The following ATP8B4 variants were observed in gnomAD, a reference collection of about 807,000 sequenced individuals.
ATP8B4 encodes the protein probable phospholipid-transporting ATPase IM.
Under a neutral mutation model 145.6 loss-of-function variants are expected in ATP8B4, and 133 were observed. The observed-to-expected ratio is 0.91, with a 90% CI of 0.79 to 1.05. ATP8B4 has a LOEUF of 1.05. ATP8B4 is among the 50% of genes least tolerant of loss of function. The probability of loss-of-function intolerance (pLI) is 0.00; values close to 1 mark genes in which losing one functional copy is unlikely to be tolerated. For missense variants in ATP8B4, 1,458 were observed against 1,425.2 expected (o/e 1.02, Z -0.37); for synonymous variants, 507 against 492.9 (o/e 1.03, Z -0.38).
At chr15:49,949,141 G>C (rs541995053) in intron 14 of ATP8B4, among the ~76,000 whole-genome samples, 25 of 152,172 alleles carry the variant, frequency 1.6e-4, no homozygotes, top group African/African-American at 5.5e-4. Context: ...GGATTGTCTT[G>C]GCTATACAGG....
At chr15:50,016,460 G>A (rs1371182515) in intron 6 of ATP8B4, among the ~76,000 whole-genome samples, 1 of 152,214 alleles carries the variant, frequency 6.6e-6, no homozygotes, top group Non-Finnish European at 1.5e-5. Context: ...GGAGCTTTAT[G>A]TATAAGAGGT....
chr15:49,892,774 A>G (rs577369312), intron 23 of ATP8B4, among the ~76,000 whole-genome samples: 2 of 152,340 alleles, frequency 1.3e-5, no homozygotes, highest in South Asian at 2.1e-4. Flanking sequence ...AAATACCATT[A>G]TCAATGCCAA....
intron 11 of ATP8B4, among the ~76,000 whole-genome samples, chr15:49,980,586 T>A (rs955502163): frequency 2.0e-5 from 3 of 151,894 alleles, no homozygotes; most frequent in Non-Finnish European, 2.9e-5. Flanking sequence ...AAAAAAAAAA[T>A]TCATAAGAGA....
intron 6 of ATP8B4, among the ~76,000 whole-genome samples, chr15:50,029,964 A>C (rs1487202183): frequency 2.6e-5 from 4 of 152,318 alleles, no homozygotes; most frequent in African/African-American, 9.6e-5. Context: ...CTGTAGTAAA[A>C]ATTTGCTGGG....
At position 49,979,468 on chromosome 15, in the gene ATP8B4, G is replaced by C. The variant is rs533205703; in HGVS notation, c.1034+149C>G. On this transcript the variant is annotated intron_variant, in intron 12 of 27. Transcript: ENST00000284509. Reference sequence around the variant, plus strand: ...AACATAAAAGTTAACAGATTAAACAGCTAAGCTGTCCCATTTGTAACAGAT... The same window carrying C: ...AACATAAAAGTTAACAGATTAAACACCTAAGCTGTCCCATTTGTAACAGAT... The C allele has an allele frequency of 1.8e-4, 101 of 549,338 alleles. 2 individuals carry two copies. The East Asian group carries it at 2.9e-3, about 16-fold the overall frequency. 34.0% of individuals were successfully genotyped at this position (549,338 alleles called of 1,614,324 possible).
intron 22 of ATP8B4, 138 bp downstream of exon 22, chr15:49,897,930 T>C: frequency 1.1e-6 from 1 of 951,484 alleles, no homozygotes; most frequent in Non-Finnish European, 1.5e-6. Context: ...GTGGTAGCAT[T>C]GGACCCAGAA....
At chr15:50,004,776 G>A (rs1373245414) in intron 7 of ATP8B4, among the ~76,000 whole-genome samples, 1 of 113,270 alleles carries the variant, frequency 8.8e-6, no homozygotes, top group Non-Finnish European at 1.8e-5. Flanking sequence ...TTTGAATCTG[G>A]GCATACAGTA....
At position 50,101,463 on chromosome 15, in the gene ATP8B4, C is replaced by T. The variant is rs147838619; in HGVS notation, c.28+5476G>A. Among the ~76,000 whole-genome samples the T allele has an allele frequency of 9.9e-3, 1,501 of 151,922 alleles. 8 individuals are homozygous for T. The highest frequency in any genetic ancestry group is 0.015 in the Non-Finnish European group (1,020 of 67,948). On this transcript the variant is annotated intron_variant, in intron 2 of 27. Transcript: ENST00000284509. ...CTATTCTCATAACAGACAAAAGAAA[C>T]CTTAAAGCAACAGCAGTTAAAAAAG...
chr15:50,100,504 C>T (rs2153662975), intron 2 of ATP8B4, among the ~76,000 whole-genome samples: 2 of 152,254 alleles, frequency 1.3e-5, no homozygotes, highest in South Asian at 4.1e-4. Flanking sequence ...AAGGTTGGTG[C>T]TACCTCACAA....
At chr15:50,153,447 T>C (rs185490349) in intron 1 of ATP8B4, among the ~76,000 whole-genome samples, 17 of 151,948 alleles carry the variant, frequency 1.1e-4, no homozygotes, top group Admixed American at 8.5e-4. Context: ...CAAGCGATTC[T>C]CCTGCCTCCA....
chr15:50,158,483 T>TG (rs1238878804), intron 1 of ATP8B4, among the ~76,000 whole-genome samples: 9 of 135,528 alleles, frequency 6.6e-5, no homozygotes, highest in South Asian at 2.5e-4. Context: ...GGGAGGGAGG[T>TG]GGGGGGGCGC....
At chr15:50,054,484 A>G (rs1480300857) in intron 3 of ATP8B4, among the ~76,000 whole-genome samples, 1 of 152,160 alleles carries the variant, frequency 6.6e-6, no homozygotes, top group African/African-American at 2.4e-5. Flanking sequence ...CTACTAGCAA[A>G]TATATCAAAA....
chr15:50,163,399 G>T (rs1326802992), intron 1 of ATP8B4, among the ~76,000 whole-genome samples: 1 of 152,216 alleles, frequency 6.6e-6, no homozygotes, highest in Non-Finnish European at 1.5e-5. Flanking sequence ...ATACTGCCTT[G>T]GTGGTCTTGG....
intron 2 of ATP8B4, among the ~76,000 whole-genome samples, chr15:50,085,067 T>G (rs1357096680): frequency 6.6e-6 from 1 of 152,130 alleles, no homozygotes; most frequent in Non-Finnish European, 1.5e-5. Context: ...CCACTAGCTC[T>G]TCATCTGAAG....
chr15:50,181,033 A>G (rs971985203), intron 1 of ATP8B4, among the ~76,000 whole-genome samples: 1 of 152,022 alleles, frequency 6.6e-6, no homozygotes, highest in Non-Finnish European at 1.5e-5. Flanking sequence ...CATTTCCAAA[A>G]CCCACGAATT....
chr15:50,035,609 C>T (rs1192671008), intron 6 of ATP8B4, among the ~76,000 whole-genome samples: 1 of 152,032 alleles, frequency 6.6e-6, no homozygotes, highest in Non-Finnish European at 1.5e-5. Context: ...GCACTGGGGC[C>T]CACACATAGT....
chr15:49,908,367 T>C lies in ATP8B4; in HGVS notation c.2142-7128A>G, dbSNP rs886620131. Among the ~76,000 whole-genome samples the C allele has an allele frequency of 3.9e-5, 6 of 152,000 alleles. No individual in the cohort carries two copies. The South Asian group carries it at 8.3e-4, about 21-fold the overall frequency. On this transcript the variant is annotated intron_variant, in intron 20 of 27. Coordinates refer to ENST00000284509, the MANE Select transcript of ATP8B4 (RefSeq NM_024837.4). Reference sequence around the variant, plus strand: ...CAAATATGTCATCTAAGAGAAAATATTGGAGTTCAAGAGAGAAGTGACAGG... The same window carrying C: ...CAAATATGTCATCTAAGAGAAAATACTGGAGTTCAAGAGAGAAGTGACAGG...
chr15:49,899,932 G>C (rs947175226), intron 21 of ATP8B4, among the ~76,000 whole-genome samples: 1 of 152,156 alleles, frequency 6.6e-6, no homozygotes, highest in South Asian at 2.1e-4. Context: ...GACAGAGAGA[G>C]AGAATGGTAT....
chr15:50,139,637 G>A (rs534059768), intron 1 of ATP8B4, among the ~76,000 whole-genome samples: 1 of 152,298 alleles, frequency 6.6e-6, no homozygotes, highest in Non-Finnish European at 1.5e-5. Context: ...CGATGGATGA[G>A]TCAATACTCC....
Sources: allele counts gnomAD v4.1 joint callset (sites outside exome capture counted in the v4.1 genomes callset), GRCh38; gene constraint gnomAD v4.1.1; transcripts MANE v1.5; gene names NCBI Gene and HGNC (gene_info 2026-07-23, HGNC 2026-07-21).